The following PLPPR1 variants were observed in gnomAD, a reference collection of about 807,000 sequenced individuals.
The protein encoded by PLPPR1 is phospholipid phosphatase-related protein type 1.
In PLPPR1, 10 loss-of-function variants were observed where a neutral mutation model predicts 33.1. That is an observed-to-expected ratio of 0.30 (90% CI 0.19 to 0.51). PLPPR1 has a LOEUF of 0.51. Among genes scored for constraint, PLPPR1 ranks in the 20% least tolerant of loss-of-function variants. PLPPR1 has a pLI of 0.97. For missense variants in PLPPR1, 304 were observed against 408.1 expected (o/e 0.74, Z 2.20); for synonymous variants, 151 against 151.0 (o/e 1.00, Z 0.00).
intron 1 of PLPPR1, among the ~76,000 whole-genome samples, chr9:101,148,552 C>A (rs1045777444): frequency 4.6e-5 from 7 of 152,126 alleles, no homozygotes; most frequent in Non-Finnish European, 1.0e-4. Context: ...GAGGTTAAGC[C>A]CTTTCTGTCT....
rs1318750570 is a variant in PLPPR1, at chr9:101,180,131, TATATATATATATAC to T, written c.-45-5317_-45-5304del. Among the ~76,000 whole-genome samples the T allele has an allele frequency of 6.9e-4, 26 of 37,916 alleles. 3 individuals are homozygous for T. Among genetic ancestry groups the T allele is most frequent in the African/African-American group, 3.0e-3 (21 of 6,968 alleles). 24.9% of individuals were successfully genotyped at this position (37,916 alleles called of 152,430 possible). On this transcript the variant is annotated intron_variant, in intron 1 of 7. Transcript: ENST00000374874. ...ATATATATATATATATATATATATA[TATATATATATATAC>T]ACACACACACACACACATACACACA...
intron 1 of PLPPR1, among the ~76,000 whole-genome samples, chr9:101,085,208 T>C (rs1390028156): frequency 6.6e-6 from 1 of 152,160 alleles, no homozygotes; most frequent in Non-Finnish European, 1.5e-5. Context: ...AGAGTCCAGA[T>C]GGCATTCATA....
At chr9:101,291,090 C>T (rs187143659) in intron 4 of PLPPR1, among the ~76,000 whole-genome samples, 103 of 152,320 alleles carry the variant, frequency 6.8e-4, no homozygotes, top group African/African-American at 2.2e-3. Flanking sequence ...CCTAATACTG[C>T]GCTTTTCCGA....
intron 1 of PLPPR1, among the ~76,000 whole-genome samples, chr9:101,070,552 C>T (rs1830469171): frequency 2.6e-5 from 4 of 152,058 alleles, no homozygotes; most frequent in Admixed American, 2.0e-4. Context: ...AGAAATGCTT[C>T]TTTCTAGGAC....
At chr9:101,191,406 C>A (rs996380218) in intron 2 of PLPPR1, among the ~76,000 whole-genome samples, 5 of 152,030 alleles carry the variant, frequency 3.3e-5, no homozygotes, top group Admixed American at 6.5e-5. Flanking sequence ...ATTCTTAGTC[C>A]TTTTTCCCTT....
At position 101,166,656 on chromosome 9, in the gene PLPPR1, A is replaced by C. The variant is rs1825862153; in HGVS notation, c.-45-18794A>C. On this transcript the variant is annotated intron_variant, in intron 1 of 7. Coordinates refer to ENST00000374874, the MANE Select transcript of PLPPR1 (RefSeq NM_207299.2). The stretch of plus-strand genomic sequence containing the variant: ...TATCATACAAAAATTAACTCCAGAA[A>C]TATTATAGTGTTAAATGTAAATCTT... 3.3e-5 allele frequency among the ~76,000 whole-genome samples: 5 copies of C among 152,216 alleles called. No individual in the cohort carries two copies. In the South Asian group the frequency reaches 8.3e-4, roughly 25 times the overall value.
intron 2 of PLPPR1, among the ~76,000 whole-genome samples, chr9:101,206,438 G>A (rs1418104578): frequency 6.6e-6 from 1 of 152,250 alleles, no homozygotes; most frequent in Non-Finnish European, 1.5e-5. Flanking sequence ...ATTAACCCTA[G>A]ACTCCATTTG....
At position 101,059,816 on chromosome 9, in the gene PLPPR1, G is replaced by A. The variant is rs143569216; in HGVS notation, c.-46+30714G>A. Reference sequence around the variant, plus strand: ...GCAATTATCAAAAAGACAAGATAACGAGTGCTGGCATGGATGTGGAGAAAA... The same window carrying A: ...GCAATTATCAAAAAGACAAGATAACAAGTGCTGGCATGGATGTGGAGAAAA... On this transcript the variant is annotated intron_variant, in intron 1 of 7. Coordinates refer to ENST00000374874, the MANE Select transcript of PLPPR1 (RefSeq NM_207299.2). Among the ~76,000 whole-genome samples the A allele has an allele frequency of 3.9e-4, 60 of 152,050 alleles. 1 individual carries two copies. Among genetic ancestry groups the A allele is most frequent in the African/African-American group, 1.4e-3 (57 of 41,550 alleles).
intron 3 of PLPPR1, among the ~76,000 whole-genome samples, chr9:101,271,601 T>C (rs1254538492): frequency 6.6e-6 from 1 of 152,156 alleles, no homozygotes; most frequent in Admixed American, 6.5e-5. Flanking sequence ...TACCTCACAA[T>C]GTGACACACT....
At chr9:101,080,347 G>A (rs796267859) in intron 1 of PLPPR1, among the ~76,000 whole-genome samples, 5 of 152,016 alleles carry the variant, frequency 3.3e-5, no homozygotes, top group South Asian at 2.1e-4. Flanking sequence ...ACATGCAAAA[G>A]CCTTGCCTTT....
At chr9:101,283,242 G>C (rs923394533) in intron 3 of PLPPR1, among the ~76,000 whole-genome samples, 2 of 152,186 alleles carry the variant, frequency 1.3e-5, no homozygotes, top group Non-Finnish European at 2.9e-5. Context: ...CAAATCTGGA[G>C]ACATCACACT....
chr9:101,315,200 A>G (rs1829029528), intron 6 of PLPPR1, among the ~76,000 whole-genome samples: 1 of 152,280 alleles, frequency 6.6e-6, no homozygotes, highest in Non-Finnish European at 1.5e-5. Context: ...CATTTTTTCC[A>G]TCTGACTGTA....
At chr9:101,211,761 T>G (rs1826695158) in intron 2 of PLPPR1, among the ~76,000 whole-genome samples, 1 of 152,232 alleles carries the variant, frequency 6.6e-6, no homozygotes, top group Non-Finnish European at 1.5e-5. Flanking sequence ...ACTTTCTTCT[T>G]AGAATCCAAA....
chr9:101,311,937 T>C (rs1828965627), intron 5 of PLPPR1, among the ~76,000 whole-genome samples: 2 of 152,202 alleles, frequency 1.3e-5, no homozygotes, highest in South Asian at 2.1e-4. Context: ...GAAAAAGGCA[T>C]GGCTTCCTAA....
chr9:101,197,032 A>C (rs1488713048), intron 2 of PLPPR1, among the ~76,000 whole-genome samples: 1 of 152,186 alleles, frequency 6.6e-6, no homozygotes. Context: ...GTAAGAATTA[A>C]AACACCAGCA....
intron 3 of PLPPR1, among the ~76,000 whole-genome samples, chr9:101,282,769 A>G (rs1828326426): frequency 6.6e-6 from 1 of 152,202 alleles, no homozygotes; most frequent in Non-Finnish European, 1.5e-5. Flanking sequence ...AAGCTATCTG[A>G]AAAAAAGTAA....
rs377215911 is a variant in PLPPR1 at position 101,189,076 on chromosome 9, T to C, written c.63+3519T>C. 2.5e-4 allele frequency among the ~76,000 whole-genome samples: 38 copies of C among 152,192 alleles called. 1 individual carries two copies. Among genetic ancestry groups the C allele is most frequent in the African/African-American group, 8.9e-4 (37 of 41,546 alleles). On this transcript the variant is annotated intron_variant, in intron 2 of 7. Transcript: ENST00000374874. Reference sequence around the variant, plus strand: ...AGATTTATTGTGAGCTAAATATGAGTGACCACGCCCTGTGACACAGCCTGC... The same window carrying C: ...AGATTTATTGTGAGCTAAATATGAGCGACCACGCCCTGTGACACAGCCTGC...
intron 1 of PLPPR1, among the ~76,000 whole-genome samples, chr9:101,108,100 A>AC (rs1220239928): frequency 6.8e-6 from 1 of 146,126 alleles, no homozygotes; most frequent in African/African-American, 2.7e-5. Context: ...TGCAGAAATC[A>AC]CCCGTCTTCT....
rs1219426975 is a variant in PLPPR1, at chr9:101,180,119, TATATATATATATATATATATATATAC to T, written c.-45-5329_-45-5304del. Among the ~76,000 whole-genome samples, 31 of 59,172 alleles carry T rather than the reference TATATATATATATATATATATATATAC, an allele frequency of 5.2e-4. 2 individuals carry two copies. Among genetic ancestry groups the T allele is most frequent in the African/African-American group, 2.1e-3 (29 of 13,896 alleles). The allele number at this position is 59,172 out of a possible 152,430, so 38.8% of individuals were successfully genotyped here. ...TTATATATATATATATATATATATA[TATATATATATATATATATATATATAC>T]ACACACACACACACACATACACACA... On this transcript the variant is annotated intron_variant, in intron 1 of 7. Coordinates refer to ENST00000374874, the MANE Select transcript of PLPPR1 (RefSeq NM_207299.2).
Sources: gnomAD v4.1 joint callset for allele counts (sites outside exome capture counted in the v4.1 genomes callset) on GRCh38, gnomAD v4.1.1 for gene constraint, MANE v1.5 for transcripts, NCBI Gene and HGNC (gene_info 2026-07-23, HGNC 2026-07-21) for gene names.